Variants in TMEM39B observed in about 807,000 individuals in gnomAD.
TMEM39B encodes transmembrane protein 39B.
In TMEM39B, 23 loss-of-function variants were observed where a neutral mutation model predicts 52.2. That is an observed-to-expected ratio of 0.44 (90% CI 0.32 to 0.62). The LOEUF is 0.62. Ranked by LOEUF, TMEM39B falls within the 20% of genes least tolerant of loss-of-function variation. TMEM39B has a pLI of 0.06. For missense variants in TMEM39B, 547 were observed against 642.0 expected (o/e 0.85, Z 1.60); for synonymous variants, 285 against 264.0 (o/e 1.08, Z -0.77).
At chr1:32,072,842 G>A (rs1639692225), upstream of TMEM39B, 2 of 579,552 alleles carry the variant, frequency 3.5e-6, no homozygotes, top group African/African-American at 2.0e-5. Flanking sequence ...AGAGCGCGCA[G>A]GCACCGCCTC....
intron 2 of TMEM39B, among the ~76,000 whole-genome samples, chr1:32,075,305 C>T (rs1372612781): frequency 6.6e-6 from 1 of 152,202 alleles, no homozygotes. Flanking sequence ...AATTACAGTT[C>T]TGCTCCAGAT....
At position 32,102,763 on chromosome 1, in the gene TMEM39B, C is replaced by T; in HGVS notation, c.*90C>T. On this transcript the variant is annotated 3_prime_UTR_variant, in exon 9 of 9. Transcript: ENST00000336294. ...TGGGTAGAAGTGGTGGTGGGGGGGA[C>T]AAAAGACAAAAAAATCCACCAGAGC... is the stretch of plus-strand genomic sequence containing the variant. The T allele has an allele frequency of 7.4e-7, 1 of 1,344,376 alleles. No homozygotes were observed. 83.3% of individuals were successfully genotyped at this position (1,344,376 alleles called of 1,614,324 possible).
intron 6 of TMEM39B, among the ~76,000 whole-genome samples, chr1:32,094,403 G>C (rs911039885): frequency 6.6e-6 from 1 of 152,120 alleles, no homozygotes; most frequent in Non-Finnish European, 1.5e-5. Flanking sequence ...GGGATTACAG[G>C]TGTGAGCCAC....
At chr1:32,092,417 CAA>C (rs1640644610) in intron 6 of TMEM39B, among the ~76,000 whole-genome samples, 1 of 152,186 alleles carries the variant, frequency 6.6e-6, no homozygotes, top group Non-Finnish European at 1.5e-5. Flanking sequence ...CTCAGCTTCC[CAA>C]AGTGTTGGGA....
At chr1:32,072,795 A>C, upstream of TMEM39B, 2 of 528,676 alleles carry the variant, frequency 3.8e-6, no homozygotes, top group East Asian at 3.6e-5. Context: ...TCTCTTCACC[A>C]GCAGCTGCAG....
intron 8 of TMEM39B, among the ~76,000 whole-genome samples, chr1:32,100,931 TGAG>T: frequency 6.6e-6 from 1 of 152,044 alleles, no homozygotes; most frequent in Admixed American, 6.6e-5. Context: ...CTCGGGAGGC[TGAG>T]GAGGGAGAAC....
intron 5 of TMEM39B, among the ~76,000 whole-genome samples, chr1:32,078,875 A>G (rs1335195407): frequency 2.0e-5 from 3 of 151,530 alleles, no homozygotes; most frequent in African/African-American, 4.8e-5. Context: ...TCCTGGCCTC[A>G]AGTGATCTGC....
chr1:32,094,699 C>T (rs1471437530), intron 6 of TMEM39B, 85 bp from the exon 7 acceptor site: 2 of 1,482,680 alleles, frequency 1.3e-6, no homozygotes, highest in Non-Finnish European at 9.3e-7. Flanking sequence ...CTGTCCTAAC[C>T]TCTCAGTCAG....
In TMEM39B at chr1:32,072,980, C is replaced by A. The variant is rs909694872; in HGVS notation, c.-68C>A. 1.1e-5 allele frequency: 17 copies of A among 1,528,218 alleles called. No individual in the cohort carries two copies. In the African/African-American group the frequency reaches 2.4e-4, roughly 22 times the overall value. The allele number at this position is 1,528,218 out of a possible 1,614,324, so 94.7% of individuals were successfully genotyped here. A position where few individuals can be genotyped will look rare whatever the true frequency, so the allele number is the denominator to read the frequency against. The stretch of plus-strand genomic sequence containing the variant: ...CTGCGGCGGTTAGTCCTCTCCCGGC[C>A]GCCGTCGCCTCCGACATATTGCCCG... On this transcript the variant is annotated 5_prime_UTR_variant, in exon 1 of 9. Transcript: ENST00000336294.
intron 8 of TMEM39B, among the ~76,000 whole-genome samples, chr1:32,101,908 T>C (rs1174991120): frequency 2.0e-5 from 3 of 152,240 alleles, no homozygotes; most frequent in African/African-American, 4.8e-5. Flanking sequence ...CCTTGGCAGC[T>C]TCCAGCCTAG....
intron 5 of TMEM39B, among the ~76,000 whole-genome samples, chr1:32,079,680 T>G (rs1482568970): frequency 6.6e-6 from 1 of 152,156 alleles, no homozygotes; most frequent in Non-Finnish European, 1.5e-5. Flanking sequence ...ACTATGGGCA[T>G]GCGCCATCAT....
intron 5 of TMEM39B, among the ~76,000 whole-genome samples, chr1:32,080,037 G>A (rs1640029061): frequency 6.6e-6 from 1 of 151,980 alleles, no homozygotes; most frequent in South Asian, 2.1e-4. Context: ...TTACAGACAT[G>A]AGCCACCATG....
At chr1:32,085,312 T>C (rs575318397) in intron 5 of TMEM39B, among the ~76,000 whole-genome samples, 1 of 152,194 alleles carries the variant, frequency 6.6e-6, no homozygotes, top group African/African-American at 2.4e-5. Context: ...TCTCTCTCTT[T>C]GTATGTGCAT....
In TMEM39B at chr1:32,081,186, T is replaced by C. The variant is rs187851290; in HGVS notation, c.590+3868T>C. Among the ~76,000 whole-genome samples the C allele has an allele frequency of 1.6e-3, 243 of 148,760 alleles. 1 individual carries two copies. Among genetic ancestry groups the C allele is most frequent in the African/African-American group, 5.8e-3 (235 of 40,250 alleles). On this transcript the variant is annotated intron_variant, in intron 5 of 8. Transcript: ENST00000336294. ...GCAGTCTCTTTTACTTTCTGGGTTT[T>C]TTTATTTGTTTGTTTGTTTGTTTGT... is the stretch of plus-strand genomic sequence containing the variant.
At chr1:32,075,852 G>T (rs1336801107) in intron 3 of TMEM39B, 30 bp downstream of exon 3, 2 of 1,365,262 alleles carry the variant, frequency 1.5e-6, no homozygotes, top group Admixed American at 2.1e-5. Context: ...GTGTGTGTGT[G>T]TGTGTGTGTG....
At position 32,090,129 on chromosome 1, in the gene TMEM39B, T is replaced by C. The variant is rs545196234; in HGVS notation, c.591-1546T>C. 5.3e-5 allele frequency among the ~76,000 whole-genome samples: 8 copies of C among 151,936 alleles called. No individual in the cohort carries two copies. The South Asian group carries it at 6.3e-4, about 12-fold the overall frequency. ...GTGTAATTCTGAGGACCTGGGGAAA[T>C]TGAGAGGCCCCAAGCTGAAAAAGGG... On this transcript the variant is annotated intron_variant, in intron 5 of 8. Transcript: ENST00000336294.
intron 7 of TMEM39B, 116 bp from the exon 8 acceptor site, chr1:32,100,326 G>C: frequency 8.4e-7 from 1 of 1,189,364 alleles, no homozygotes; most frequent in Non-Finnish European, 1.1e-6. Context: ...GAAAGTCAGC[G>C]TGTCTAAGTG....
At chr1:32,072,227 A>C (rs1490123344), upstream of TMEM39B, 1 of 152,222 alleles carries the variant, frequency 6.6e-6, no homozygotes, top group Admixed American at 6.6e-5. Flanking sequence ...CTTGTGAGGG[A>C]AGAATCCTAA....
intron 5 of TMEM39B, among the ~76,000 whole-genome samples, chr1:32,088,074 T>C (rs112551207): frequency 0.13 from 18,076 of 136,822 alleles, 1,411 homozygotes; most frequent in South Asian, 0.27. Context: ...TGCAGTTAGC[T>C]GAGATCTCGC....
Sources: allele counts gnomAD v4.1 joint callset (sites outside exome capture counted in the v4.1 genomes callset), GRCh38; gene constraint gnomAD v4.1.1; transcripts MANE v1.5; gene names NCBI Gene and HGNC (gene_info 2026-07-23, HGNC 2026-07-21).